ULK4: variants seen among roughly 807,000 people sequenced by gnomAD.
The protein encoded by ULK4 is inactive serine/threonine-protein kinase ULK4.
A neutral mutation model predicts 160.6 loss-of-function variants in ULK4; 133 were observed. That is an observed-to-expected ratio of 0.83 (90% CI 0.72 to 0.96). ULK4 has a LOEUF of 0.96. ULK4 is among the 40% of genes least tolerant of loss of function. The pLI, the probability that ULK4 is intolerant of heterozygous loss-of-function variation, is 0.00. For missense variants in ULK4, 1,580 were observed against 1,499.5 expected, an observed-to-expected ratio of 1.05 and a Z score of -0.89; for synonymous variants, 534 against 539.8, an observed-to-expected ratio of 0.99 and a Z score of 0.15.
At chr3:41,751,253 G>A (rs1390687606) in intron 22 of ULK4, among the ~76,000 whole-genome samples, 1 of 152,158 alleles carries the variant, frequency 6.6e-6, no homozygotes, top group Non-Finnish European at 1.5e-5. Context: ...TACAGACAGG[G>A]ACAGATTGGC....
chr3:41,371,326 C>T (rs925521611), intron 35 of ULK4, among the ~76,000 whole-genome samples: 4 of 152,196 alleles, frequency 2.6e-5, no homozygotes, highest in African/African-American at 9.6e-5. Flanking sequence ...CAAGTGGGTC[C>T]CTGACCCCCG....
chr3:41,952,108 T>C (rs1341185739), intron 2 of ULK4, among the ~76,000 whole-genome samples: 3 of 151,562 alleles, frequency 2.0e-5, no homozygotes, highest in Non-Finnish European at 2.9e-5. Flanking sequence ...GAAGAACAAA[T>C]AGGACAAAAG....
chr3:41,919,903 G>A lies in ULK4; in HGVS notation c.542-85C>T, dbSNP rs1699126761. 2.2e-5 allele frequency: 16 copies of A among 733,952 alleles called. No homozygotes were observed. The South Asian group carries it at 3.7e-4, about 17-fold the overall frequency. 45.5% of individuals were successfully genotyped at this position (733,952 alleles called of 1,614,324 possible). A position where few individuals can be genotyped will look rare whatever the true frequency, so the allele number is the denominator to read the frequency against. On this transcript the variant is annotated intron_variant, in intron 5 of 36. Coordinates refer to ENST00000301831, the MANE Select transcript of ULK4 (RefSeq NM_017886.4). Reference sequence around the variant, plus strand: ...CCACCTAGGAAAGATCTGATGAGATGAAAAAGGGCAGGAGAAAAACATGCG... The same window carrying A: ...CCACCTAGGAAAGATCTGATGAGATAAAAAAGGGCAGGAGAAAAACATGCG...
chr3:41,493,628 G>A lies in ULK4; in HGVS notation c.3227-30375C>T, dbSNP rs2084876597. Among the ~76,000 whole-genome samples, 3 of 139,102 alleles carry A rather than the reference G, an allele frequency of 2.2e-5. No individual in the cohort carries two copies. The Admixed American group carries it at 2.2e-4, about 10-fold the overall frequency. The allele number at this position is 139,102 out of a possible 152,430, so 91.3% of individuals were successfully genotyped here. A position where few individuals can be genotyped will look rare whatever the true frequency, so the allele number is the denominator to read the frequency against. On this transcript the variant is annotated intron_variant, in intron 32 of 36. Coordinates refer to ENST00000301831, the MANE Select transcript of ULK4 (RefSeq NM_017886.4). ...ACACAAAAAACCCTTCAAAAAATCAGGGAATCCAGGAGCTGGTTTTTTGAA... is the reference window on the plus strand; with the variant it reads ...ACACAAAAAACCCTTCAAAAAATCAAGGAATCCAGGAGCTGGTTTTTTGAA...
At chr3:41,803,935 A>G (rs1168062409) in intron 19 of ULK4, among the ~76,000 whole-genome samples, 2 of 152,190 alleles carry the variant, frequency 1.3e-5, no homozygotes, top group Non-Finnish European at 1.5e-5. Context: ...GAATAGTGCC[A>G]CAATAAACAT....
intron 10 of ULK4, 44 bp from the exon 11 acceptor site, chr3:41,911,430 A>G (rs1215581413): frequency 4.4e-6 from 7 of 1,606,188 alleles, no homozygotes; most frequent in Non-Finnish European, 6.0e-6. Flanking sequence ...GAACAAAAAT[A>G]TCATATGCAA....
intron 18 of ULK4, among the ~76,000 whole-genome samples, chr3:41,823,963 G>C (rs1205912053): frequency 6.6e-6 from 1 of 152,116 alleles, no homozygotes; most frequent in African/African-American, 2.4e-5. Flanking sequence ...AGGAGTTCAA[G>C]ACCAGTCTGG....
intron 25 of ULK4, among the ~76,000 whole-genome samples, chr3:41,713,967 CCAAA>C (rs2037182104): frequency 6.6e-6 from 1 of 151,888 alleles, no homozygotes; most frequent in Non-Finnish European, 1.5e-5. Context: ...TATACCTATC[CCAAA>C]CAAACACTGT....
intron 35 of ULK4, among the ~76,000 whole-genome samples, chr3:41,291,458 A>AGAGGAGGGGAGGGAAGAGGAGGAGAGG (rs147942029): frequency 1.0e-4 from 1 of 9,876 alleles, no homozygotes; most frequent in African/African-American, 1.5e-4. Context: ...AGGGGAGGGA[A>AGAGGAGGGGAGGGAAGAGGAGGAGAGG]GAAGAGGAGG....
chr3:41,626,117 A>G (rs1262698592), intron 30 of ULK4, among the ~76,000 whole-genome samples: 2 of 152,174 alleles, frequency 1.3e-5, no homozygotes, highest in East Asian at 3.8e-4. Context: ...TTGGGTTCAG[A>G]AACCATTTTG....
chr3:41,957,824 G>A (rs987072516), intron 1 of ULK4, among the ~76,000 whole-genome samples: 4 of 151,942 alleles, frequency 2.6e-5, no homozygotes, highest in African/African-American at 7.3e-5. Context: ...AATTGACGCC[G>A]GGAGTTTGAC....
At chr3:41,515,822 G>T (rs1008788531) in intron 32 of ULK4, among the ~76,000 whole-genome samples, 4 of 152,124 alleles carry the variant, frequency 2.6e-5, no homozygotes, top group Non-Finnish European at 5.9e-5. Context: ...AGACAGAGCC[G>T]AATCATATCA....
chr3:41,822,483 T>C (rs905367926), intron 18 of ULK4, among the ~76,000 whole-genome samples: 9 of 152,148 alleles, frequency 5.9e-5, no homozygotes, highest in African/African-American at 2.2e-4. Context: ...AGTGGCATGA[T>C]CTCAGCTCAC....
intron 35 of ULK4, among the ~76,000 whole-genome samples, chr3:41,316,320 CTG>C (rs1360076758): frequency 1.3e-5 from 2 of 152,150 alleles, no homozygotes; most frequent in Non-Finnish European, 1.5e-5. Flanking sequence ...ATTTTGAAAA[CTG>C]TGGTGATGGC....
intron 20 of ULK4, among the ~76,000 whole-genome samples, chr3:41,799,691 A>G (rs2040399089): frequency 6.6e-6 from 1 of 152,022 alleles, no homozygotes; most frequent in Non-Finnish European, 1.5e-5. Flanking sequence ...ACAAGACCCC[A>G]TCTCTACAAA....
intron 34 of ULK4, among the ~76,000 whole-genome samples, chr3:41,403,445 T>C (rs1250859051): frequency 6.6e-6 from 1 of 152,182 alleles, no homozygotes; most frequent in Non-Finnish European, 1.5e-5. Flanking sequence ...TGACATCTCT[T>C]GTTTCATCCC....
chr3:41,798,261 A>G (rs971276972), intron 20 of ULK4, among the ~76,000 whole-genome samples: 16 of 152,228 alleles, frequency 1.1e-4, no homozygotes, highest in Non-Finnish European at 1.6e-4. Flanking sequence ...CCCAATTAAA[A>G]CAAGACAGAT....
At chr3:41,691,221 C>T (rs567490500) in intron 27 of ULK4, among the ~76,000 whole-genome samples, 92 of 151,948 alleles carry the variant, frequency 6.1e-4, no homozygotes, top group African/African-American at 2.0e-3. Flanking sequence ...ACACAGTGCA[C>T]ATGCAGCCCC....
intron 32 of ULK4, among the ~76,000 whole-genome samples, chr3:41,505,153 T>C (rs538958751): frequency 1.3e-5 from 2 of 152,170 alleles, no homozygotes; most frequent in Admixed American, 6.5e-5. Context: ...TATTGATGTA[T>C]AGTAGATACA....
Sources: allele counts gnomAD v4.1 joint callset (sites outside exome capture counted in the v4.1 genomes callset), GRCh38; gene constraint gnomAD v4.1.1; transcripts MANE v1.5; gene names NCBI Gene and HGNC (gene_info 2026-07-23, HGNC 2026-07-21).